Variants in DPH6 observed in about 807,000 individuals in gnomAD.
The protein encoded by DPH6 is diphthine--ammonia ligase.
In DPH6, 33 loss-of-function variants were observed where a neutral mutation model predicts 38.2. The observed-to-expected ratio is 0.86, with a 90% CI of 0.65 to 1.15. DPH6 has a LOEUF of 1.15. Ranked by LOEUF, DPH6 falls within the 50% of genes most tolerant of loss-of-function variation. The pLI is 0.00. For missense variants in DPH6, 325 were observed against 320.0 expected, an observed-to-expected ratio of 1.02 and a Z score of -0.12; for synonymous variants, 108 against 103.0, an observed-to-expected ratio of 1.05 and a Z score of -0.30.
At chr15:35,284,025 G>A (rs1348318048) in intron 3 of DPH6, among the ~76,000 whole-genome samples, 1 of 152,108 alleles carries the variant, frequency 6.6e-6, no homozygotes, top group Non-Finnish European at 1.5e-5. Context: ...CCAGTTCGGA[G>A]GGGCCAACAG....
Position 35,374,489 on chromosome 15 carries a change from G to A in DPH6, c.663-881C>T, listed in dbSNP as rs192540572. ...CGACTTGTATCATGCAAAGTTACTC[G>A]GTGGCAATAGAAGAAATCTCAAAAT... On this transcript the variant is annotated intron_variant, in intron 7 of 8. Transcript: ENST00000256538. Among the ~76,000 whole-genome samples, 14 of 151,880 alleles carry A rather than the reference G, an allele frequency of 9.2e-5. No individual in the cohort carries two copies. The East Asian group carries it at 1.4e-3, about 15-fold the overall frequency.
At chr15:35,439,143 G>C (rs1001138243) in intron 5 of DPH6, among the ~76,000 whole-genome samples, 1 of 152,182 alleles carries the variant, frequency 6.6e-6, no homozygotes, top group African/African-American at 2.4e-5. Context: ...TTGTCTTTAA[G>C]ATTTCATTAG....
At chr15:35,291,171 T>C (rs1268349307) in intron 3 of DPH6, among the ~76,000 whole-genome samples, 1 of 152,078 alleles carries the variant, frequency 6.6e-6, no homozygotes, top group Admixed American at 6.6e-5. Flanking sequence ...AAAAATATAT[T>C]AAACATTGGT....
chr15:35,373,449 A>G, intron 8 of DPH6, 72 bp downstream of exon 8: 1 of 1,325,288 alleles, frequency 7.5e-7, no homozygotes, highest in South Asian at 1.5e-5. Flanking sequence ...TTGTTACAGA[A>G]TTATATATGC....
At chr15:35,222,183 T>A (rs535459435) in intron 3 of DPH6, among the ~76,000 whole-genome samples, 1 of 152,322 alleles carries the variant, frequency 6.6e-6, no homozygotes, top group African/African-American at 2.4e-5. Flanking sequence ...CTGAGCCATG[T>A]AGAAACAATT....
At chr15:35,304,793 TAA>T (rs61656698) in intron 3 of DPH6, among the ~76,000 whole-genome samples, 8 of 137,486 alleles carry the variant, frequency 5.8e-5, no homozygotes, top group Admixed American at 7.3e-5. Context: ...ATTTGGATGG[TAA>T]AAAAAAAAAA....
At chr15:35,488,662 G>C (rs954127405) in intron 3 of DPH6, among the ~76,000 whole-genome samples, 1 of 152,092 alleles carries the variant, frequency 6.6e-6, no homozygotes, top group Admixed American at 6.5e-5. Context: ...AGATTTGGGT[G>C]GGGACAGAGA....
the DPH6 span, among the ~76,000 whole-genome samples, chr15:35,178,806 GAGTAA>G: frequency 2.0e-5 from 3 of 152,100 alleles, no homozygotes; most frequent in Non-Finnish European, 2.9e-5. Flanking sequence ...CATTTAATTA[GAGTAA>G]ATACTCAACT....
chr15:35,521,827 C>A, intron 3 of DPH6: 1 of 1,313,338 alleles, frequency 7.6e-7, no homozygotes, highest in South Asian at 2.7e-5. Context: ...TAGCAGTGCT[C>A]CTAAAGGAGT....
intron 3 of DPH6, chr15:35,237,850 TGAG>T (rs1334214462): frequency 6.5e-7 from 1 of 1,530,188 alleles, no homozygotes; most frequent in South Asian, 1.1e-5. Flanking sequence ...AGGATGAGGA[TGAG>T]GAGGAGTATG....
chr15:35,335,419 T>C (rs1303852362), intron 3 of DPH6, among the ~76,000 whole-genome samples: 3 of 152,198 alleles, frequency 2.0e-5, no homozygotes, highest in African/African-American at 7.2e-5. Context: ...TTTAATTAGA[T>C]CCCATTTGTC....
chr15:35,530,046 A>G (rs2055064451), intron 3 of DPH6, among the ~76,000 whole-genome samples: 1 of 152,216 alleles, frequency 6.6e-6, no homozygotes, highest in African/African-American at 2.4e-5. Flanking sequence ...TTCAGGATCT[A>G]TTATTGTGTG....
At chr15:35,308,983 C>A (rs770234495) in intron 3 of DPH6, among the ~76,000 whole-genome samples, 1 of 152,226 alleles carries the variant, frequency 6.6e-6, no homozygotes, top group Non-Finnish European at 1.5e-5. Flanking sequence ...CAATCAGATG[C>A]TAAGCATTCC....
chr15:35,382,945 A>T (rs2052891271), intron 6 of DPH6, among the ~76,000 whole-genome samples: 1 of 152,110 alleles, frequency 6.6e-6, no homozygotes, highest in South Asian at 2.1e-4. Context: ...TATTGAGAGT[A>T]AAAAAATCTC....
chr15:35,322,489 T>C (rs1390614538), intron 3 of DPH6, among the ~76,000 whole-genome samples: 1 of 152,224 alleles, frequency 6.6e-6, no homozygotes, highest in Non-Finnish European at 1.5e-5. Flanking sequence ...ATCATAATTT[T>C]GCAAAGGCAG....
At chr15:35,488,820 TGA>T (rs1355134889) in intron 3 of DPH6, among the ~76,000 whole-genome samples, 3 of 151,888 alleles carry the variant, frequency 2.0e-5, no homozygotes, top group East Asian at 1.9e-4. Context: ...GAAATATGAC[TGA>T]GAGATAAAGA....
intron 5 of DPH6, among the ~76,000 whole-genome samples, chr15:35,429,561 A>G (rs2053607864): frequency 6.6e-6 from 1 of 152,156 alleles, no homozygotes; most frequent in Non-Finnish European, 1.5e-5. Flanking sequence ...ATACGTCAGT[A>G]GGGTCCTTTT....
chr15:35,418,148 C>T (rs893466502), intron 5 of DPH6, among the ~76,000 whole-genome samples: 3 of 151,994 alleles, frequency 2.0e-5, no homozygotes, highest in African/African-American at 7.2e-5. Flanking sequence ...AAAATCCCAG[C>T]GGTCAGTACA....
intron 3 of DPH6, among the ~76,000 whole-genome samples, chr15:35,321,530 G>A (rs1187350142): frequency 6.6e-6 from 1 of 152,220 alleles, no homozygotes; most frequent in East Asian, 1.9e-4. Context: ...ACAAAGAAGG[G>A]AGAACTTCTG....
Sources: gnomAD v4.1 joint callset for allele counts (sites outside exome capture counted in the v4.1 genomes callset) on GRCh38, gnomAD v4.1.1 for gene constraint, MANE v1.5 for transcripts, NCBI Gene and HGNC (gene_info 2026-07-23, HGNC 2026-07-21) for gene names.